The following RNLS variants were observed in gnomAD, a reference collection of about 807,000 sequenced individuals.
RNLS encodes renalase, FAD dependent amine oxidase, also known as renalase.
A neutral mutation model predicts 39.8 loss-of-function variants in RNLS; 39 were observed. The observed-to-expected ratio is 0.98, with a 90% confidence interval of 0.76 to 1.28. RNLS has a LOEUF of 1.28. Among genes scored for constraint, RNLS ranks in the 50% most tolerant of loss-of-function variants. RNLS has a pLI of 0.00. For missense variants in RNLS, 410 were observed against 413.3 expected, an observed-to-expected ratio of 0.99 and a Z score of 0.07; for synonymous variants, 147 against 150.7, an observed-to-expected ratio of 0.98 and a Z score of 0.18.
chr10:88,481,122 G>A (rs2134018732), intron 4 of RNLS, among the ~76,000 whole-genome samples: 1 of 152,228 alleles, frequency 6.6e-6, no homozygotes, highest in East Asian at 1.9e-4. Context: ...TCTGGTAACA[G>A]TATAGCCACT....
intron 4 of RNLS, among the ~76,000 whole-genome samples, chr10:88,378,300 T>C (rs1409715160): frequency 6.6e-6 from 1 of 152,122 alleles, no homozygotes; most frequent in African/African-American, 2.4e-5. Context: ...AAGGAAGGCC[T>C]CAGAAGCAAA....
chr10:88,483,958 T>C (rs1045075124), intron 4 of RNLS, among the ~76,000 whole-genome samples: 1 of 152,106 alleles, frequency 6.6e-6, no homozygotes, highest in Non-Finnish European at 1.5e-5. Context: ...ACTTTATTTA[T>C]TGTACCCAAG....
chr10:88,386,067 T>C (rs1266896283), intron 4 of RNLS, among the ~76,000 whole-genome samples: 1 of 152,176 alleles, frequency 6.6e-6, no homozygotes, highest in African/African-American at 2.4e-5. Flanking sequence ...GGTTAAACTG[T>C]AGCCTAGGTA....
chr10:88,338,758 CTTTTTT>C (rs36061512), intron 5 of RNLS, among the ~76,000 whole-genome samples: 8 of 112,496 alleles, frequency 7.1e-5, no homozygotes, highest in African/African-American at 2.2e-4. Context: ...GCTAGATTTC[CTTTTTT>C]TTTTTTTTTT....
chr10:88,427,763 A>G (rs773991364), intron 4 of RNLS, among the ~76,000 whole-genome samples: 1 of 152,030 alleles, frequency 6.6e-6, no homozygotes, highest in South Asian at 2.1e-4. Context: ...TGTTGATTGG[A>G]TATCTTCCAT....
chr10:88,446,233 G>T (rs954267692), intron 4 of RNLS, among the ~76,000 whole-genome samples: 5 of 152,158 alleles, frequency 3.3e-5, no homozygotes, highest in African/African-American at 1.2e-4. Context: ...ATAACAAAAT[G>T]AAGGCAGAAA....
At chr10:88,433,085 G>T (rs964283773) in intron 4 of RNLS, among the ~76,000 whole-genome samples, 4 of 152,012 alleles carry the variant, frequency 2.6e-5, no homozygotes, top group Non-Finnish European at 5.9e-5. Context: ...GTCACAGGAA[G>T]AAAATTATTT....
At chr10:88,496,961 C>A (rs1479625884) in intron 4 of RNLS, among the ~76,000 whole-genome samples, 2 of 151,774 alleles carry the variant, frequency 1.3e-5, no homozygotes, top group African/African-American at 4.8e-5. Context: ...GTTTGAGAAC[C>A]TCTAATTGAA....
At chr10:88,321,544 T>C (rs1359651354) in intron 5 of RNLS, among the ~76,000 whole-genome samples, 1 of 152,098 alleles carries the variant, frequency 6.6e-6, no homozygotes, top group Non-Finnish European at 1.5e-5. Context: ...ACAACATTGA[T>C]AGACCAGTAG....
At chr10:88,319,359 A>G (rs1217833898) in intron 5 of RNLS, among the ~76,000 whole-genome samples, 3 of 152,226 alleles carry the variant, frequency 2.0e-5, no homozygotes, top group Admixed American at 2.0e-4. Context: ...GAACTCTAGT[A>G]GCAAAAAAAA....
chr10:88,497,584 A>G (rs1305280611), intron 4 of RNLS, among the ~76,000 whole-genome samples: 1 of 152,150 alleles, frequency 6.6e-6, no homozygotes, highest in African/African-American at 2.4e-5. Context: ...AAAGTCTTTT[A>G]ACAACAGAGT....
chr10:88,324,337 G>A (rs1273638966), intron 5 of RNLS, among the ~76,000 whole-genome samples: 2 of 150,144 alleles, frequency 1.3e-5, no homozygotes, highest in Non-Finnish European at 2.9e-5. Context: ...CAAGCTAAGT[G>A]TCCATCAATT....
At chr10:88,482,650 T>C (rs1226186515) in intron 4 of RNLS, among the ~76,000 whole-genome samples, 2 of 152,150 alleles carry the variant, frequency 1.3e-5, no homozygotes, top group Non-Finnish European at 2.9e-5. Flanking sequence ...AATCTAACAT[T>C]TGGGGATCCT....
At chr10:88,298,387 T>C (rs533772567) in intron 6 of RNLS, among the ~76,000 whole-genome samples, 1 of 152,210 alleles carries the variant, frequency 6.6e-6, no homozygotes, top group Non-Finnish European at 1.5e-5. Flanking sequence ...TTTTTGGTGT[T>C]GTATCTAAGA....
At chr10:88,467,019 T>C (rs1329169293) in intron 4 of RNLS, among the ~76,000 whole-genome samples, 2 of 152,176 alleles carry the variant, frequency 1.3e-5, no homozygotes, top group East Asian at 3.8e-4. Context: ...AGATTTATAA[T>C]GGAAATGCTG....
intron 6 of RNLS, among the ~76,000 whole-genome samples, chr10:88,290,432 T>C (rs992389756): frequency 3.3e-5 from 5 of 152,204 alleles, no homozygotes; most frequent in Admixed American, 1.3e-4. Flanking sequence ...GACTGGACAA[T>C]GAATAATCAA....
the RNLS span, among the ~76,000 whole-genome samples, chr10:88,203,336 ACACGTATGTG>A: frequency 4.1e-4 from 2 of 4,932 alleles, no homozygotes; most frequent in African/African-American, 1.4e-3. Flanking sequence ...ATATATATAT[ACACGTATGTG>A]TATATATATA....
chr10:88,235,038 G>A, the RNLS span, among the ~76,000 whole-genome samples: 460 of 152,050 alleles, frequency 3.0e-3, 2 homozygotes, highest in Non-Finnish European at 5.0e-3. Flanking sequence ...GAGGCGGGTG[G>A]ATCACAAGGT....
intron 4 of RNLS, among the ~76,000 whole-genome samples, chr10:88,393,154 C>T (rs1312783552): frequency 2.6e-5 from 4 of 152,068 alleles, no homozygotes; most frequent in Non-Finnish European, 5.9e-5. Flanking sequence ...CCCTCTCTTA[C>T]CACTCCTATT....
Sources: allele counts gnomAD v4.1 joint callset (sites outside exome capture counted in the v4.1 genomes callset), GRCh38; gene constraint gnomAD v4.1.1; transcripts MANE v1.5; gene names NCBI Gene and HGNC (gene_info 2026-07-23, HGNC 2026-07-21).